The following LY86 variants were observed in gnomAD, a reference collection of about 807,000 sequenced individuals.
The protein encoded by LY86 is MD-1, RP105-associated.
A neutral mutation model predicts 17.3 loss-of-function variants in LY86; 20 were observed. The observed-to-expected ratio is 1.15, with a 90% CI of 0.81 to 1.68. The LOEUF is 1.68. Among genes scored for constraint, LY86 ranks in the 40% most tolerant of loss-of-function variants. The pLI is 0.00. For missense variants in LY86, 200 were observed against 191.9 expected (o/e 1.04, Z -0.25); for synonymous variants, 74 against 70.6 (o/e 1.05, Z -0.24).
chr6:6,653,279 C>T (rs201977335), intron 4 of LY86, among the ~76,000 whole-genome samples: 1 of 152,128 alleles, frequency 6.6e-6, no homozygotes, highest in African/African-American at 2.4e-5. Context: ...AGCTTCTCTC[C>T]GGTGGTCTCA....
intron 1 of LY86, among the ~76,000 whole-genome samples, chr6:6,619,256 A>G (rs1761620887): frequency 6.6e-6 from 1 of 152,242 alleles, no homozygotes; most frequent in Non-Finnish European, 1.5e-5. Context: ...ATCAAAAGCA[A>G]GGTCTGTTTG....
chr6:6,624,031 A>C (rs1471548235), intron 1 of LY86, among the ~76,000 whole-genome samples: 1 of 152,212 alleles, frequency 6.6e-6, no homozygotes, highest in Non-Finnish European at 1.5e-5. Flanking sequence ...CTTCACAAAG[A>C]AGATGGGAAT....
chr6:6,654,577 G>A lies in LY86; in HGVS notation c.439G>A (p.Glu147Lys), dbSNP rs547450012. Residue 147 changes from glutamate (E) to lysine (K), a missense_variant, in exon 5 of 5, where the codon GAA becomes AAA. Coordinates refer to ENST00000230568, the MANE Select transcript of LY86 (RefSeq NM_004271.4). The stretch of plus-strand genomic sequence containing the variant: ...CCAGGTTTTGCTGGAACTGTACACT[G>A]AAAAACGGTCCACCGTGGCCTGTGC... ...EYQVLLELYT[E>K]KRSTVACANA... The A allele has an allele frequency of 9.6e-5, 155 of 1,614,216 alleles. 1 individual carries two copies. The East Asian group carries it at 2.8e-3, about 29-fold the overall frequency.
At chr6:6,615,838 G>A (rs918642474) in intron 1 of LY86, among the ~76,000 whole-genome samples, 1 of 151,876 alleles carries the variant, frequency 6.6e-6, no homozygotes, top group Middle Eastern at 3.2e-3. Flanking sequence ...ACCAGCCTGG[G>A]CAGCAGAACC....
intron 3 of LY86, among the ~76,000 whole-genome samples, chr6:6,637,677 C>T (rs1043999934): frequency 3.3e-5 from 5 of 152,132 alleles, no homozygotes; most frequent in Admixed American, 1.3e-4. Flanking sequence ...CTAAACATCC[C>T]GAGAGCCCTG....
chr6:6,622,021 C>T (rs1761691868), intron 1 of LY86, among the ~76,000 whole-genome samples: 3 of 151,990 alleles, frequency 2.0e-5, no homozygotes, highest in African/African-American at 4.8e-5. Context: ...TGCATGTTTA[C>T]ACTCAAAGAT....
rs540840468 is a variant in LY86, at chr6:6,603,632, A to AACACACACACACAC, written c.136+14772_136+14785dup. Among the ~76,000 whole-genome samples the AACACACACACACAC allele has an allele frequency of 3.3e-3, 443 of 135,848 alleles. 2 individuals carry two copies. Among genetic ancestry groups the AACACACACACACAC allele is most frequent in the African/African-American group, 0.011 (414 of 37,630 alleles). 89.1% of individuals were successfully genotyped at this position (135,848 alleles called of 152,430 possible). The stretch of plus-strand genomic sequence containing the variant: ...AAAAAAAACAAACAAAAAAAAACAA[A>AACACACACACACAC]ACACACACACACACACACACACAGA... On this transcript the variant is annotated intron_variant, in intron 1 of 4. Coordinates refer to ENST00000230568, the MANE Select transcript of LY86 (RefSeq NM_004271.4).
At chr6:6,640,389 C>T (rs1419752611) in intron 3 of LY86, among the ~76,000 whole-genome samples, 2 of 150,414 alleles carry the variant, frequency 1.3e-5, no homozygotes, top group Admixed American at 6.6e-5. Context: ...GAAACCCCAT[C>T]TCTGGAAAAA....
At chr6:6,640,274 G>A (rs1349833581) in intron 3 of LY86, among the ~76,000 whole-genome samples, 1 of 151,734 alleles carries the variant, frequency 6.6e-6, no homozygotes, top group Non-Finnish European at 1.5e-5. Context: ...AGTGTAGGGA[G>A]AGGCCGGGTG....
At chr6:6,637,157 C>T (rs993563295) in intron 3 of LY86, among the ~76,000 whole-genome samples, 1 of 151,882 alleles carries the variant, frequency 6.6e-6, no homozygotes. Context: ...GGACTAGAGG[C>T]GCCCGCCATC....
chr6:6,588,981 C>T (rs1434633413), intron 1 of LY86, 111 bp downstream of exon 1: 4 of 1,364,522 alleles, frequency 2.9e-6, no homozygotes, highest in Admixed American at 4.7e-5. Context: ...GGACCAGCAG[C>T]TGAACACTTT....
intron 3 of LY86, among the ~76,000 whole-genome samples, chr6:6,648,944 G>A (rs970368876): frequency 6.6e-5 from 10 of 152,174 alleles, no homozygotes; most frequent in African/African-American, 2.4e-4. Flanking sequence ...TCTGGATATC[G>A]TCTTGTTTAG....
intron 1 of LY86, among the ~76,000 whole-genome samples, chr6:6,593,462 T>G (rs9502478): frequency 6.6e-6 from 1 of 152,070 alleles, no homozygotes; most frequent in African/African-American, 2.4e-5. Flanking sequence ...GTAGACATCT[T>G]TGGGGACCAT....
chr6:6,594,127 G>A (rs1003757458), intron 1 of LY86, among the ~76,000 whole-genome samples: 2 of 152,230 alleles, frequency 1.3e-5, no homozygotes, highest in African/African-American at 4.8e-5. Context: ...CCAGGCAGAG[G>A]AGGACCTGTG....
intron 1 of LY86, among the ~76,000 whole-genome samples, chr6:6,611,614 C>T (rs1467189375): frequency 6.6e-6 from 1 of 152,234 alleles, no homozygotes; most frequent in East Asian, 1.9e-4. Context: ...ACCTGTCCAC[C>T]GTGTGGCAGT....
intron 3 of LY86, among the ~76,000 whole-genome samples, chr6:6,642,526 C>A (rs1030726046): frequency 6.6e-6 from 1 of 152,232 alleles, no homozygotes; most frequent in African/African-American, 2.4e-5. Context: ...CCTGAAGAAA[C>A]CTCCAGCCTT....
intron 1 of LY86, among the ~76,000 whole-genome samples, chr6:6,592,045 T>C (rs1760546431): frequency 1.3e-5 from 2 of 151,716 alleles, no homozygotes; most frequent in Non-Finnish European, 2.9e-5. Context: ...TAAGCAGGAG[T>C]GTAGATTTTG....
rs139500945 is a variant in LY86 at position 6,605,617 on chromosome 6, T to A, written c.136+16747T>A. Among the ~76,000 whole-genome samples, 123 of 152,378 alleles carry A rather than the reference T, an allele frequency of 8.1e-4. 1 individual carries two copies. In the East Asian group the frequency reaches 0.021, roughly 26 times the overall value. Reference sequence around the variant, plus strand: ...AGTCTCATGACATTGCAGCCTCATCTCAGAAGCAACATTCCAATGTTTTCG... The same window carrying A: ...AGTCTCATGACATTGCAGCCTCATCACAGAAGCAACATTCCAATGTTTTCG... On this transcript the variant is annotated intron_variant, in intron 1 of 4. Transcript: ENST00000230568.
chr6:6,611,692 G>A (rs963097650), intron 1 of LY86, among the ~76,000 whole-genome samples: 13 of 152,192 alleles, frequency 8.5e-5, no homozygotes, highest in Non-Finnish European at 1.3e-4. Flanking sequence ...CGCGCCGGTC[G>A]TGTTTGTCCC....
Sources: gnomAD v4.1 joint callset for allele counts (sites outside exome capture counted in the v4.1 genomes callset) on GRCh38, gnomAD v4.1.1 for gene constraint, MANE v1.5 for transcripts, NCBI Gene and HGNC (gene_info 2026-07-23, HGNC 2026-07-21) for gene names.